HMGN5: variants seen among roughly 807,000 people sequenced by gnomAD.
HMGN5 encodes the protein high mobility group nucleosome-binding domain-containing protein 5.
HMGN5 carries 4 observed loss-of-function variants against 9.5 expected under a neutral mutation model. The observed-to-expected ratio is 0.42, with a 90% CI of 0.21 to 0.96. The LOEUF is 0.96. Ranked by LOEUF, HMGN5 falls within the 40% of genes least tolerant of loss-of-function variation. The probability of loss-of-function intolerance (pLI) is 0.30; values close to 1 mark genes in which losing one functional copy is unlikely to be tolerated. For synonymous variants in HMGN5, 55 were observed against 57.1 expected, an observed-to-expected ratio of 0.96 and a Z score of 0.16; for missense variants, 192 against 187.5, an observed-to-expected ratio of 1.02 and a Z score of -0.14.
intron 1 of HMGN5, among the ~76,000 whole-genome samples, chrX:81,155,666 A>G (rs1181065375): frequency 1.8e-5 from 2 of 111,972 alleles, no homozygotes; most frequent in South Asian, 3.7e-4. Flanking sequence ...AAATGATCAC[A>G]TATTCTGTGA....
chrX:81,149,481 C>T (rs191129603), intron 1 of HMGN5, among the ~76,000 whole-genome samples: 354 of 111,196 alleles, frequency 3.2e-3, no homozygotes, highest in African/African-American at 0.011. Flanking sequence ...GGGTGGGGAG[C>T]GCTAGGGAAG....
chrX:81,118,341 G>A (rs1368719380), intron 5 of HMGN5, 91 bp downstream of exon 5: 4 of 502,136 alleles, frequency 8.0e-6, no homozygotes, highest in Non-Finnish European at 1.3e-5. Context: ...CAAAATATAA[G>A]CAAAGTAAAA....
chrX:81,129,014 A>G (rs2075291813), intron 1 of HMGN5, among the ~76,000 whole-genome samples: 1 of 111,781 alleles, frequency 8.9e-6, no homozygotes, highest in African/African-American at 3.2e-5. Flanking sequence ...GACTCCAAAG[A>G]GTAGGAGAGA....
intron 1 of HMGN5, among the ~76,000 whole-genome samples, chrX:81,142,532 C>T (rs2075332614): frequency 9.0e-6 from 1 of 111,382 alleles, no homozygotes; most frequent in African/African-American, 3.3e-5. Flanking sequence ...GCAGATTTTT[C>T]AGTGGAAACC....
At chrX:81,200,930 T>G (rs936368360) in intron 1 of HMGN5, among the ~76,000 whole-genome samples, 3 of 111,799 alleles carry the variant, frequency 2.7e-5, no homozygotes, top group Non-Finnish European at 5.6e-5. Flanking sequence ...TTAGGAAAAC[T>G]ATTTTTCTGA....
At chrX:81,198,756 C>A (rs2075516317) in intron 1 of HMGN5, among the ~76,000 whole-genome samples, 1 of 111,581 alleles carries the variant, frequency 9.0e-6, no homozygotes, top group South Asian at 3.7e-4. Flanking sequence ...TTATGACAAA[C>A]CCACAGCCAA....
chrX:81,185,500 C>T (rs898284323), intron 1 of HMGN5, among the ~76,000 whole-genome samples: 1 of 111,631 alleles, frequency 9.0e-6, no homozygotes, highest in African/African-American at 3.3e-5. Context: ...TATATTAGTT[C>T]TAATAGCTCT....
At chrX:81,117,835 C>G (rs913782350) in intron 5 of HMGN5, among the ~76,000 whole-genome samples, 1 of 110,219 alleles carries the variant, frequency 9.1e-6, no homozygotes, top group South Asian at 3.8e-4. Context: ...TAGCTTTAAC[C>G]TTTTATGATT....
chrX:81,152,091 C>G (rs2075364507), intron 1 of HMGN5, among the ~76,000 whole-genome samples: 1 of 111,529 alleles, frequency 9.0e-6, no homozygotes. Context: ...TGGGCAAGGA[C>G]TTCACGTCTA....
chrX:81,197,898 G>A (rs1447513832), intron 1 of HMGN5: 1 of 111,361 alleles, frequency 9.0e-6, no homozygotes, highest in Non-Finnish European at 1.9e-5. Context: ...TGTTGGCAAT[G>A]AGGAGGGTGA....
chrX:81,149,903 A>T (rs1340264875), intron 1 of HMGN5, among the ~76,000 whole-genome samples: 1 of 112,156 alleles, frequency 8.9e-6, no homozygotes, highest in African/African-American at 3.2e-5. Flanking sequence ...ACCTGGATTT[A>T]TAAAGCAAAT....
At chrX:81,171,821 A>T (rs1450193761) in intron 1 of HMGN5, among the ~76,000 whole-genome samples, 2 of 111,178 alleles carry the variant, frequency 1.8e-5, no homozygotes, top group Non-Finnish European at 3.8e-5. Context: ...GTTCAGGGTC[A>T]TTGTACATAT....
At chrX:81,136,516 A>G (rs1404918158) in intron 1 of HMGN5, among the ~76,000 whole-genome samples, 1 of 111,692 alleles carries the variant, frequency 9.0e-6, no homozygotes, top group Admixed American at 9.5e-5. Context: ...TAATACCTAC[A>G]GCAACCTCTA....
At chrX:81,201,580 C>A (rs1397510788) in intron 1 of HMGN5, among the ~76,000 whole-genome samples, 157 bp downstream of exon 1, 1 of 112,001 alleles carries the variant, frequency 8.9e-6, no homozygotes, top group Non-Finnish European at 1.9e-5. Flanking sequence ...CCTGCCATTT[C>A]TGGGCTTAAG....
At chrX:81,192,243 T>A (rs970531125) in intron 1 of HMGN5, among the ~76,000 whole-genome samples, 3 of 111,935 alleles carry the variant, frequency 2.7e-5, no homozygotes, top group Non-Finnish European at 3.8e-5. Flanking sequence ...GATTGGCCTG[T>A]GTATTTCTTT....
intron 1 of HMGN5, among the ~76,000 whole-genome samples, chrX:81,164,061 T>C (rs188017241): frequency 1.3e-3 from 141 of 111,810 alleles, no homozygotes; most frequent in African/African-American, 4.6e-3. Context: ...CAAAAGCAGA[T>C]AGATGCCCAA....
intron 1 of HMGN5, among the ~76,000 whole-genome samples, chrX:81,193,831 C>T (rs2075500459): frequency 9.0e-6 from 1 of 111,520 alleles, no homozygotes; most frequent in Admixed American, 9.6e-5. Flanking sequence ...AAACATTCTA[C>T]CTTTTTAAAA....
intron 1 of HMGN5, among the ~76,000 whole-genome samples, chrX:81,144,303 C>G (rs1207302574): frequency 1.8e-5 from 2 of 111,689 alleles, no homozygotes; most frequent in South Asian, 3.8e-4. Context: ...GAGGAAGGAA[C>G]AGGCAGCAAT....
intron 1 of HMGN5, among the ~76,000 whole-genome samples, chrX:81,136,418 A>C (rs2075311257): frequency 9.0e-6 from 1 of 111,659 alleles, no homozygotes; most frequent in Admixed American, 9.6e-5. Context: ...AGGTAAAGGG[A>C]CCTTAATGTA....
Sources: allele counts gnomAD v4.1 joint callset (sites outside exome capture counted in the v4.1 genomes callset), GRCh38; gene constraint gnomAD v4.1.1; transcripts MANE v1.5; gene names NCBI Gene and HGNC (gene_info 2026-07-23, HGNC 2026-07-21).